The following LOC400499 variants were observed in gnomAD, a reference collection of about 807,000 sequenced individuals.
chr16:11,508,352 G>C, the LOC400499 span, among the ~76,000 whole-genome samples: 1 of 152,328 alleles, frequency 6.6e-6, no homozygotes, highest in African/African-American at 2.4e-5. Context: ...GGAGGCCTGG[G>C]CCATGTGTTT....
the LOC400499 span, among the ~76,000 whole-genome samples, chr16:11,445,594 C>T: frequency 2.0e-4 from 30 of 152,010 alleles, no homozygotes; most frequent in Non-Finnish European, 4.3e-4. Flanking sequence ...ACAGGACACG[C>T]AGAGGTCCCG....
the LOC400499 span, chr16:11,523,703 T>A: frequency 2.8e-6 from 1 of 359,382 alleles, no homozygotes; most frequent in Non-Finnish European, 5.0e-6. Flanking sequence ...GGCACCATCA[T>A]CCCTGATAGC....
the LOC400499 span, among the ~76,000 whole-genome samples, chr16:11,457,718 C>T: frequency 2.1e-4 from 32 of 152,064 alleles, no homozygotes; most frequent in Non-Finnish European, 4.3e-4. Context: ...TGCACACTCA[C>T]GTTCATAACA....
At chr16:11,403,109 C>T in the LOC400499 span, among the ~76,000 whole-genome samples, 1 of 152,296 alleles carries the variant, frequency 6.6e-6, no homozygotes, top group Non-Finnish European at 1.5e-5. Flanking sequence ...TCTCCTGAGG[C>T]CCCTGAGCAG....
the LOC400499 span, chr16:11,508,842 T>A: frequency 2.5e-6 from 1 of 398,944 alleles, no homozygotes; most frequent in African/African-American, 2.1e-5. Flanking sequence ...CTTCATCGTC[T>A]CTATCATCTG....
the LOC400499 span, among the ~76,000 whole-genome samples, chr16:11,465,738 A>G: frequency 5.0e-4 from 76 of 150,834 alleles, 2 homozygotes; most frequent in African/African-American, 1.8e-3. Flanking sequence ...ACTGCACAGA[A>G]TAAGACCTTG....
chr16:11,375,124 A>G, the LOC400499 span, among the ~76,000 whole-genome samples: 1 of 149,982 alleles, frequency 6.7e-6, no homozygotes, highest in Non-Finnish European at 1.5e-5. Context: ...CTGGGATTAC[A>G]GGTGTGAGCC....
the LOC400499 span, chr16:11,384,156 G>A: frequency 8.3e-7 from 1 of 1,209,940 alleles, no homozygotes; most frequent in Non-Finnish European, 1.0e-6. Flanking sequence ...CCGGGACTCT[G>A]CAGTGAGCAG....
the LOC400499 span, among the ~76,000 whole-genome samples, chr16:11,407,968 C>CTCTTTTTTTTTTTTTTTTTTTTTTT: frequency 8.6e-6 from 1 of 116,176 alleles, no homozygotes; most frequent in African/African-American, 3.4e-5. Context: ...TGTTCCAGAG[C>CTCTTTTTTTTTTTTTTTTTTTTTTT]TGTTTTTTTT....
the LOC400499 span, among the ~76,000 whole-genome samples, chr16:11,464,714 G>A: frequency 1.4e-4 from 21 of 152,306 alleles, no homozygotes; most frequent in Non-Finnish European, 2.4e-4. Flanking sequence ...CCGGAGTTCC[G>A]GCTGTTACTG....
chr16:11,393,079 C>T, the LOC400499 span, among the ~76,000 whole-genome samples: 1 of 152,006 alleles, frequency 6.6e-6, no homozygotes, highest in Non-Finnish European at 1.5e-5. Context: ...TGGTCTCGAT[C>T]TCCTGACCTT....
At chr16:11,484,938 GCTGTGGTGCAGGCC>G in the LOC400499 span, 1 of 399,386 alleles carries the variant, frequency 2.5e-6, no homozygotes, top group Admixed American at 4.4e-5. Flanking sequence ...GGGCTGGCTG[GCTGTGGTGCAGGCC>G]CTGGTTCTGG....
chr16:11,424,725 C>T, the LOC400499 span, among the ~76,000 whole-genome samples: 3 of 152,126 alleles, frequency 2.0e-5, no homozygotes, highest in African/African-American at 2.4e-5. Flanking sequence ...CCCTCCAGGC[C>T]TGGAGGTAAC....
At chr16:11,383,432 CA>C in the LOC400499 span, among the ~76,000 whole-genome samples, 3 of 152,194 alleles carry the variant, frequency 2.0e-5, no homozygotes, top group African/African-American at 7.2e-5. Flanking sequence ...CACTCTTCAC[CA>C]AACGGAGGGC....
chr16:11,520,337 G>T, the LOC400499 span, among the ~76,000 whole-genome samples: 1 of 152,136 alleles, frequency 6.6e-6, no homozygotes, highest in Admixed American at 6.6e-5. Flanking sequence ...TTCAAAGACA[G>T]GCAAAACTCA....
At chr16:11,526,278 A>G in the LOC400499 span, among the ~76,000 whole-genome samples, 25 of 152,362 alleles carry the variant, frequency 1.6e-4, no homozygotes, top group South Asian at 4.3e-3. Context: ...TTCACTTATT[A>G]TAAGACTTTC....
the LOC400499 span, among the ~76,000 whole-genome samples, chr16:11,509,915 G>A: frequency 6.8e-6 from 1 of 146,346 alleles, no homozygotes; most frequent in Non-Finnish European, 1.5e-5. Context: ...GAATTTGTCT[G>A]GAAGAGTATA....
At chr16:11,477,014 CA>C in the LOC400499 span, 3 of 400,176 alleles carry the variant, frequency 7.5e-6, no homozygotes, top group Non-Finnish European at 8.8e-6. Flanking sequence ...CTGCGACCCC[CA>C]GCAGCCCCCT....
chr16:11,410,136 C>T, the LOC400499 span, among the ~76,000 whole-genome samples: 1 of 134,668 alleles, frequency 7.4e-6, no homozygotes, highest in African/African-American at 2.8e-5. Context: ...AGAGCAAGAC[C>T]CTGTCTCAAA....
Sources: allele counts gnomAD v4.1 joint callset (sites outside exome capture counted in the v4.1 genomes callset), GRCh38; gene constraint gnomAD v4.1.1; transcripts MANE v1.5.